Variants in TRAPPC2 observed in about 807,000 individuals in gnomAD.
The protein encoded by TRAPPC2 is sedlin.
Under a neutral mutation model 10.0 loss-of-function variants are expected in TRAPPC2, and 4 were observed. That is an observed-to-expected ratio of 0.40 (90% confidence interval 0.20 to 0.92). The LOEUF (loss-of-function observed/expected upper bound fraction) is 0.92, where lower values mean the gene tolerates loss of function less well. TRAPPC2 is among the 40% of genes least tolerant of loss of function. TRAPPC2 has a pLI of 0.35. For missense variants in TRAPPC2, 52 were observed against 108.7 expected, an observed-to-expected ratio of 0.48 and a Z score of 2.32; for synonymous variants, 36 against 37.3, an observed-to-expected ratio of 0.97 and a Z score of 0.12.
chrX:13,718,890 T>C (rs2046350938), intron 3 of TRAPPC2, among the ~76,000 whole-genome samples: 1 of 111,676 alleles, frequency 9.0e-6, no homozygotes, highest in Non-Finnish European at 1.9e-5. Flanking sequence ...GTGTAGTGGC[T>C]CATGTCTGCA....
chrX:13,723,239 C>T (rs1211910402), intron 2 of TRAPPC2, among the ~76,000 whole-genome samples: 3 of 111,843 alleles, frequency 2.7e-5, no homozygotes, highest in Non-Finnish European at 3.8e-5. Context: ...ACAATCTTAG[C>T]GCACTGCAAC....
intron 2 of TRAPPC2, among the ~76,000 whole-genome samples, chrX:13,732,845 T>C (rs973243183): frequency 1.8e-5 from 2 of 112,794 alleles, no homozygotes; most frequent in African/African-American, 3.2e-5. Flanking sequence ...ACAACCTCTA[T>C]AGAAGAGCTT....
At chrX:13,724,715 A>G (rs763788210) in intron 2 of TRAPPC2, among the ~76,000 whole-genome samples, 14 of 112,442 alleles carry the variant, frequency 1.2e-4, no homozygotes, top group Middle Eastern at 9.1e-3. Flanking sequence ...TGCATTTCCA[A>G]CTGAGGTACC....
intron 2 of TRAPPC2, chrX:13,722,208 C>CAGAAAAAAAAAAAAAAAAAAAAAAAAAAA (rs1555898001): frequency 2.8e-5 from 1 of 36,116 alleles, no homozygotes; most frequent in Admixed American, 2.7e-4. Flanking sequence ...TAAGCAGCAG[C>CAGAAAAAAAAAAAAAAAAAAAAAAAAAAA]AAAAAAAAAA....
chrX:13,730,141 A>G (rs2046642890), intron 2 of TRAPPC2, among the ~76,000 whole-genome samples: 1 of 110,971 alleles, frequency 9.0e-6, no homozygotes, highest in Non-Finnish European at 1.9e-5. Flanking sequence ...GGCAACCTAC[A>G]GAATGGGAGA....
At chrX:13,721,585 T>C (rs1569079585) in intron 2 of TRAPPC2, 1 of 112,075 alleles carries the variant, frequency 8.9e-6, no homozygotes, top group African/African-American at 3.2e-5. Flanking sequence ...GGCCTTCTGC[T>C]GATTCACACA....
At chrX:13,717,239 G>A (rs945163238) in intron 3 of TRAPPC2, among the ~76,000 whole-genome samples, 5 of 110,176 alleles carry the variant, frequency 4.5e-5, no homozygotes, top group Non-Finnish European at 9.5e-5. Context: ...ACATGACAGC[G>A]GGACCTAGGA....
At chrX:13,717,192 C>T (rs779946543) in intron 3 of TRAPPC2, among the ~76,000 whole-genome samples, 1 of 110,946 alleles carries the variant, frequency 9.0e-6, no homozygotes, top group Non-Finnish European at 1.9e-5. Flanking sequence ...GCGCTTATAA[C>T]GGCCTGCCAG....
intron 2 of TRAPPC2, among the ~76,000 whole-genome samples, chrX:13,728,339 C>T (rs773744741): frequency 8.8e-4 from 98 of 111,744 alleles, no homozygotes; most frequent in Non-Finnish European, 1.6e-3. Context: ...AACATTGATG[C>T]GAAAATCCTC....
At chrX:13,725,362 C>G (rs1472791255) in intron 2 of TRAPPC2, among the ~76,000 whole-genome samples, 1 of 112,142 alleles carries the variant, frequency 8.9e-6, no homozygotes, top group Non-Finnish European at 1.9e-5. Context: ...CGACAGACAC[C>G]TCATATAGGC....
chrX:13,724,146 C>G (rs1237629948), intron 2 of TRAPPC2, among the ~76,000 whole-genome samples: 1 of 111,123 alleles, frequency 9.0e-6, no homozygotes, highest in Non-Finnish European at 1.9e-5. Flanking sequence ...AGAGCCAGAA[C>G]TCTCACTTGT....
At position 13,719,857 on chromosome X, in the gene TRAPPC2, A is replaced by G. The variant is rs2046371133; in HGVS notation, c.93+14T>C. 2 of 1,137,694 alleles carry G rather than the reference A, an allele frequency of 1.8e-6. No homozygotes were observed. Among genetic ancestry groups the G allele is most frequent in the East Asian group, 6.1e-5 (2 of 32,858 alleles). The allele number at this position is 1,137,694 out of a possible 1,213,427, so 93.8% of individuals were successfully genotyped here. ...ATACCATATCATTACAATAGCATAAAAATTCTTACGTACTTTGGATTCTGC... is the reference window on the plus strand; with the variant it reads ...ATACCATATCATTACAATAGCATAAGAATTCTTACGTACTTTGGATTCTGC... On this transcript the variant is annotated intron_variant, in intron 3 of 5. Transcript: ENST00000380579.
intron 3 of TRAPPC2, among the ~76,000 whole-genome samples, chrX:13,718,819 GA>G (rs2046349500): frequency 8.9e-6 from 1 of 111,759 alleles, no homozygotes; most frequent in African/African-American, 3.3e-5. Flanking sequence ...CAATTTATTA[GA>G]AACAGAAATT....
chrX:13,724,976 G>A (rs1167995253), intron 2 of TRAPPC2, among the ~76,000 whole-genome samples: 1 of 113,319 alleles, frequency 8.8e-6, no homozygotes, highest in Non-Finnish European at 1.9e-5. Flanking sequence ...CAGGTCCCAC[G>A]CCCACGGAGC....
intron 2 of TRAPPC2, among the ~76,000 whole-genome samples, chrX:13,732,958 A>G (rs1351407652): frequency 8.9e-6 from 1 of 112,510 alleles, no homozygotes; most frequent in Non-Finnish European, 1.9e-5. Context: ...GTCTATTACA[A>G]TGAGGAGGGG....
Position 13,714,374 on chromosome X carries a change from T to G in TRAPPC2, c.*33A>C. On this transcript the variant is annotated 3_prime_UTR_variant, in exon 6 of 6. Transcript: ENST00000380579. Reference sequence around the variant, plus strand: ...ACACATTCCTGAGTATACACCATTGTGGTGACATCATTTATTTTGGAATTT... The same window carrying G: ...ACACATTCCTGAGTATACACCATTGGGGTGACATCATTTATTTTGGAATTT... 1.1e-6 allele frequency: 1 copy of G among 944,589 alleles called. No homozygotes were observed. The highest frequency in any genetic ancestry group is 1.5e-6 in the Non-Finnish European group (1 of 674,012). 77.8% of individuals were successfully genotyped at this position (944,589 alleles called of 1,213,427 possible).
At chrX:13,722,420 C>T (rs754057532) in intron 2 of TRAPPC2, among the ~76,000 whole-genome samples, 2 of 110,410 alleles carry the variant, frequency 1.8e-5, no homozygotes, top group African/African-American at 3.3e-5. Context: ...TACCCAGCTG[C>T]GCAAAAGATG....
At chrX:13,727,270 C>T (rs1049413857) in intron 2 of TRAPPC2, among the ~76,000 whole-genome samples, 6 of 112,112 alleles carry the variant, frequency 5.4e-5, no homozygotes, top group African/African-American at 1.9e-4. Context: ...ATCTACAGAA[C>T]TCTCCACCCC....
intron 2 of TRAPPC2, among the ~76,000 whole-genome samples, chrX:13,725,938 T>C (rs958123751): frequency 8.9e-5 from 10 of 111,844 alleles, no homozygotes; most frequent in Non-Finnish European, 1.7e-4. Flanking sequence ...CTAAAAACCA[T>C]GGCACAAGAA....
Sources: allele counts gnomAD v4.1 joint callset (sites outside exome capture counted in the v4.1 genomes callset), GRCh38; gene constraint gnomAD v4.1.1; transcripts MANE v1.5; gene names NCBI Gene and HGNC (gene_info 2026-07-23, HGNC 2026-07-21).